The following EPHA8 variants were observed in gnomAD, a reference collection of about 807,000 sequenced individuals.
The protein encoded by EPHA8 is EPH receptor A8.
A neutral mutation model predicts 103.6 loss-of-function variants in EPHA8; 58 were observed. The observed-to-expected ratio is 0.56, with a 90% CI of 0.45 to 0.70. EPHA8 has a LOEUF of 0.70. Among genes scored for constraint, EPHA8 ranks in the 30% least tolerant of loss-of-function variants. The pLI is 0.00. For missense variants in EPHA8, 1,304 were observed against 1,395.2 expected (o/e 0.93, Z 1.04); for synonymous variants, 559 against 572.5 (o/e 0.98, Z 0.34).
Position 22,578,582 on chromosome 1 carries a change from C to T in EPHA8, c.823+1702C>T, listed in dbSNP as rs189538082. On this transcript the variant is annotated intron_variant, in intron 3 of 16. Transcript: ENST00000166244. ...ACATTTGTTAGTGTCTGCATGTGTGCATGAATGCGTGTGTGCATGTGTGCA... is the reference window on the plus strand; with the variant it reads ...ACATTTGTTAGTGTCTGCATGTGTGTATGAATGCGTGTGTGCATGTGTGCA... Among the ~76,000 whole-genome samples, 14 of 111,588 alleles carry T rather than the reference C, an allele frequency of 1.3e-4. No individual in the cohort carries two copies. In the East Asian group the frequency reaches 2.7e-3, roughly 21 times the overall value. 73.2% of individuals were successfully genotyped at this position (111,588 alleles called of 152,430 possible).
rs1222531298 is a variant in EPHA8 at position 22,569,115 on chromosome 1, C to A, written c.95-174C>A. 2.0e-5 allele frequency among the ~76,000 whole-genome samples: 3 copies of A among 152,140 alleles called. No individual in the cohort carries two copies. Among genetic ancestry groups the A allele is most frequent in the Non-Finnish European group, 2.9e-5 (2 of 68,028 alleles). ...AGAAGGCTTCAGGGAAGAGAAAGAA[C>A]TTAAACTGGGCCTTCAAGGAGAGGG... is the stretch of plus-strand genomic sequence containing the variant. On this transcript the variant is annotated intron_variant, in intron 1 of 16. Coordinates refer to ENST00000166244, the MANE Select transcript of EPHA8 (RefSeq NM_020526.5). The surrounding 1 kb of genome is among the most constrained non-coding windows in gnomAD (Gnocchi z 4.5).
chr1:22,593,571 A>G lies in EPHA8; in HGVS notation c.1488A>G (p.Arg496=). ...CCACCCTCAAGGCCGTCACCACCAG[A>G]GCCACCGTCTCCGGCCTCAAGCCGG... The part of the protein sequence containing the change: ...SYSTLKAVTT[R]ATVSGLKPGT... The change falls in exon 7 of 17, where the codon AGA becomes AGG. Residue 496 remains arginine (R), a synonymous_variant. Coordinates refer to ENST00000166244, the MANE Select transcript of EPHA8 (RefSeq NM_020526.5). 1 of 1,612,428 alleles carries G rather than the reference A, an allele frequency of 6.2e-7. No individual in the cohort carries two copies. Among genetic ancestry groups the G allele is most frequent in the Non-Finnish European group, 8.5e-7 (1 of 1,179,750 alleles).
chr1:22,585,050 T>TGTGTGTGTGCGCGC (rs71020436), intron 3 of EPHA8, among the ~76,000 whole-genome samples: 3 of 93,494 alleles, frequency 3.2e-5, no homozygotes, highest in African/African-American at 1.8e-4. Flanking sequence ...TGTGTGTGTG[T>TGTGTGTGTGCGCGC]GCGCACGCGT....
intron 2 of EPHA8, among the ~76,000 whole-genome samples, chr1:22,571,518 A>G (rs973167885): frequency 6.6e-6 from 1 of 152,064 alleles, no homozygotes; most frequent in Admixed American, 6.5e-5. Flanking sequence ...AGCGAGGCCT[A>G]CTCTGTGACC....
At position 22,576,498 on chromosome 1, in the gene EPHA8, C is replaced by T; in HGVS notation, c.441C>T (p.Thr147=). The T allele has an allele frequency of 6.2e-7, 1 of 1,614,150 alleles. No individual in the cohort carries two copies. The change falls in exon 3 of 17, where the codon ACC becomes ACT. Residue 147 remains threonine, a synonymous_variant. Coordinates refer to ENST00000166244, the MANE Select transcript of EPHA8 (RefSeq NM_020526.5). This position sits in a 1 kb window ranked among gnomAD's most constrained non-coding sequence, Gnocchi z 4.8. ...AAAGCCAGTTCCTCAAAATCGACAC[C>T]ATTGCGGCCGACGAGAGCTTCACAG... ...TQESQFLKID[T]IAADESFTGA...
intron 3 of EPHA8, among the ~76,000 whole-genome samples, chr1:22,577,918 AGT>A (rs1174652034): frequency 2.8e-4 from 4 of 14,360 alleles, no homozygotes; most frequent in Non-Finnish European, 4.0e-4. Context: ...TGTGTGCGTG[AGT>A]GTATGTGTGC....
At chr1:22,568,720 C>T (rs1056780011) in intron 1 of EPHA8, among the ~76,000 whole-genome samples, 3 of 152,214 alleles carry the variant, frequency 2.0e-5, no homozygotes, top group African/African-American at 7.2e-5. Flanking sequence ...TGCCAGGCAC[C>T]GTGCTGGGGG....
At chr1:22,595,586 A>C (rs926556542) in intron 8 of EPHA8, among the ~76,000 whole-genome samples, 1 of 152,222 alleles carries the variant, frequency 6.6e-6, no homozygotes, top group Non-Finnish European at 1.5e-5. Context: ...ACATGAGCCT[A>C]GGTCTGTCAA....
intron 2 of EPHA8, among the ~76,000 whole-genome samples, chr1:22,573,122 G>A (rs1277539380): frequency 6.6e-6 from 1 of 152,188 alleles, no homozygotes; most frequent in Non-Finnish European, 1.5e-5. Context: ...AAAGCGGGGT[G>A]TGGAGCAGGG....
At chr1:22,574,168 A>G (rs981688777) in intron 2 of EPHA8, among the ~76,000 whole-genome samples, 1 of 151,782 alleles carries the variant, frequency 6.6e-6, no homozygotes, top group Non-Finnish European at 1.5e-5. Flanking sequence ...TTTAGGAGAG[A>G]CGGGGTTTCA....
Position 22,601,308 on chromosome 1 carries a change from C to A in EPHA8, c.2738C>A (p.Pro913His), listed in dbSNP as rs199853592. 1.3e-6 allele frequency: 2 copies of A among 1,599,820 alleles called. No homozygotes were observed. Among genetic ancestry groups the A allele is most frequent in the African/African-American group, 1.4e-5 (1 of 74,070 alleles). The change falls in exon 16 of 17, where the codon CCC becomes CAC. Residue 913 changes from proline (P) to histidine (H), a missense_variant. Coordinates refer to ENST00000166244, the MANE Select transcript of EPHA8 (RefSeq NM_020526.5). ...GAGCCCCTGTGCCTCAGGTGCCCACCCCCTGCCTTCGTCCGGAGCTGCTTT... is the reference window on the plus strand; with the variant it reads ...GAGCCCCTGTGCCTCAGGTGCCCACACCCTGCCTTCGTCCGGAGCTGCTTT... The part of the protein sequence containing the change: ...RATATVSRCP[P>H]PAFVRSCFDL...
rs761987517 is a variant in EPHA8 at position 22,586,600 on chromosome 1, G to A, written c.944G>A (p.Arg315His). 58 of 1,613,738 alleles carry A rather than the reference G, an allele frequency of 3.6e-5. No individual in the cohort carries two copies. The highest frequency in any genetic ancestry group is 3.9e-5 in the Non-Finnish European group (46 of 1,179,956). ...TGCCACTGTGACCTCAGCTACTACC[G>A]TGCAGCCCTGGACCCGCCGTCCTCA... ...QACHCDLSYY[R>H]AALDPPSSAC... The change falls in exon 4 of 17, where the codon CGT becomes CAT. Residue 315 changes from arginine (R) to histidine (H), a missense_variant. By Grantham distance (29) the Arg-to-His change is conservative. Transcript: ENST00000166244.
rs1047584056 is a variant in EPHA8 at position 22,589,628 on chromosome 1, G to A, written c.1315+422G>A. ...ATGTCATTAAAAAATAAAATCACTC[G>A]GATGATCATTTTCCAGAACAGCTGC... On this transcript the variant is annotated intron_variant, in intron 5 of 16. Coordinates refer to ENST00000166244, the MANE Select transcript of EPHA8 (RefSeq NM_020526.5). The surrounding 1 kb of genome is among the most constrained non-coding windows in gnomAD (Gnocchi z 4.3). 23 of 1,231,986 alleles carry A rather than the reference G, an allele frequency of 1.9e-5. No homozygotes were observed. The highest frequency in any genetic ancestry group is 2.2e-5 in the Non-Finnish European group (22 of 988,072). 76.3% of individuals were successfully genotyped at this position (1,231,986 alleles called of 1,614,324 possible).
chr1:22,582,319 G>A (rs1641067781), intron 3 of EPHA8, among the ~76,000 whole-genome samples: 1 of 152,188 alleles, frequency 6.6e-6, no homozygotes, highest in African/African-American at 2.4e-5. Flanking sequence ...CTAGTGACAG[G>A]AGCAGGGGTT....
chr1:22,573,742 A>G (rs1569956605), intron 2 of EPHA8, among the ~76,000 whole-genome samples: 1 of 152,218 alleles, frequency 6.6e-6, no homozygotes, highest in Non-Finnish European at 1.5e-5. Flanking sequence ...CTGGCCAGCC[A>G]GTGCTCAGCA....
chr1:22,600,979 T>C lies in EPHA8; in HGVS notation c.2620T>C (p.Cys874Arg). The C allele has an allele frequency of 6.2e-7, 1 of 1,613,096 alleles. No individual in the cohort carries two copies. The highest frequency in any genetic ancestry group is 1.3e-5 in the African/African-American group (1 of 75,052). Reference protein sequence around the residue: ...PHALHQLMLDCWHKDRAQRPR... With the variant: ...PHALHQLMLDRWHKDRAQRPR... ...CGCCCTGCACCAGCTCATGCTCGACTGTTGGCACAAGGACCGGGCGCAGCG... is the reference window on the plus strand; with the variant it reads ...CGCCCTGCACCAGCTCATGCTCGACCGTTGGCACAAGGACCGGGCGCAGCG... Residue 874 changes from cysteine (C) to arginine (R), a missense_variant, in exon 15 of 17, where the codon TGT becomes CGT. Physicochemically the swap from Cys to Arg is radical, Grantham distance 180. Coordinates refer to ENST00000166244, the MANE Select transcript of EPHA8 (RefSeq NM_020526.5).
chr1:22,578,191 T>TGA (rs1491544356), intron 3 of EPHA8, among the ~76,000 whole-genome samples: 1 of 116,160 alleles, frequency 8.6e-6, no homozygotes, highest in Non-Finnish European at 1.8e-5. Flanking sequence ...TGTGCGTGCA[T>TGA]GTGTGTGCGT....
At chr1:22,594,167 C>A (rs1427851312) in intron 7 of EPHA8, among the ~76,000 whole-genome samples, 1 of 152,078 alleles carries the variant, frequency 6.6e-6, no homozygotes, top group Non-Finnish European at 1.5e-5. Flanking sequence ...TGGGGTTTCA[C>A]CATGTTGACC....
rs775850552 is a variant in EPHA8 at position 22,597,302 on chromosome 1, C to T, written c.1766-10C>T. On this transcript the variant is annotated splice_polypyrimidine_tract_variant and intron_variant, in intron 9 of 16. Coordinates refer to ENST00000166244, the MANE Select transcript of EPHA8 (RefSeq NM_020526.5). This position sits in a 1 kb window ranked among gnomAD's most constrained non-coding sequence, Gnocchi z 4.6. ...TGGGCCCCACTGAAGGCCCTCCTCC[C>T]GCCCCTCAGCACCCCCACCTGTCTT... 13 of 1,593,342 alleles carry T rather than the reference C, an allele frequency of 8.2e-6. No homozygotes were observed. Among genetic ancestry groups the T allele is most frequent in the East Asian group, 2.2e-5 (1 of 44,534 alleles).
Sources: allele counts gnomAD v4.1 joint callset (sites outside exome capture counted in the v4.1 genomes callset), GRCh38; gene constraint gnomAD v4.1.1; non-coding constraint Gnocchi (gnomAD v3.1); transcripts MANE v1.5; gene names NCBI Gene and HGNC (gene_info 2026-07-23, HGNC 2026-07-21).